LURAP1L: variants seen among roughly 807,000 people sequenced by gnomAD.
LURAP1L encodes leucine rich adaptor protein 1-like.
LURAP1L carries 12 observed loss-of-function variants against 13.8 expected under a neutral mutation model. The observed-to-expected ratio is 0.87, with a 90% confidence interval of 0.56 to 1.41. The LOEUF (loss-of-function observed/expected upper bound fraction) is 1.41. Ranked by LOEUF, LURAP1L falls within the 40% of genes most tolerant of loss-of-function variation. The pLI is 0.00. For synonymous variants in LURAP1L, 139 were observed against 119.2 expected, an observed-to-expected ratio of 1.17 and a Z score of -1.08; for missense variants, 375 against 292.9, an observed-to-expected ratio of 1.28 and a Z score of -2.04.
chr9:12,785,249 A>G (rs1819333490), intron 1 of LURAP1L, among the ~76,000 whole-genome samples: 1 of 152,008 alleles, frequency 6.6e-6, no homozygotes, highest in Admixed American at 6.5e-5. Context: ...TACAAGGCAA[A>G]AGTCCTCTTT....
Position 12,821,532 on chromosome 9 carries a change from GGA to G in LURAP1L, c.463_464del (p.Gln156GlufsTer16). The G allele has an allele frequency of 6.2e-7, 1 of 1,614,162 alleles. No individual in the cohort carries two copies. The highest frequency in any genetic ancestry group is 8.5e-7 in the Non-Finnish European group (1 of 1,180,040). ...TCAGTGGCAGCCTGTGCAGTTTGTT[GGA>G]GAGTCAGAGCACCTCCTTACGTGGC... ...SLSGSLCSLL[E>X]SQSTSLRGSY... On this transcript the variant is annotated frameshift_variant, in exon 2 of 2. Transcript: ENST00000319264. LOFTEE classifies it high-confidence loss of function.
intron 1 of LURAP1L, among the ~76,000 whole-genome samples, chr9:12,819,048 T>C (rs1216132430): frequency 6.6e-6 from 1 of 152,170 alleles, no homozygotes; most frequent in African/African-American, 2.4e-5. Flanking sequence ...GCGGAGGAAT[T>C]TAAACATAAA....
At chr9:12,808,239 T>C (rs985214808) in intron 1 of LURAP1L, among the ~76,000 whole-genome samples, 2 of 152,158 alleles carry the variant, frequency 1.3e-5, no homozygotes, top group Non-Finnish European at 2.9e-5. Context: ...TTTTAAAATA[T>C]TACTTGCAAG....
chr9:12,797,416 C>G (rs922715674), intron 1 of LURAP1L, among the ~76,000 whole-genome samples: 1 of 152,054 alleles, frequency 6.6e-6, no homozygotes, highest in African/African-American at 2.4e-5. Flanking sequence ...CAAGTTTTAG[C>G]TGTCTAAAAA....
intron 1 of LURAP1L, among the ~76,000 whole-genome samples, chr9:12,808,596 T>C (rs112885510): frequency 8.5e-5 from 13 of 152,302 alleles, no homozygotes; most frequent in African/African-American, 3.1e-4. Flanking sequence ...ATAAGTTTGG[T>C]GTAAATCTTA....
chr9:12,788,357 T>A (rs1819392258), intron 1 of LURAP1L, among the ~76,000 whole-genome samples: 2 of 138,080 alleles, frequency 1.4e-5, no homozygotes, highest in Admixed American at 1.5e-4. Context: ...CTGCTAGAAG[T>A]ATACATTCAA....
chr9:12,783,734 T>C (rs1045704546), intron 1 of LURAP1L, among the ~76,000 whole-genome samples: 2 of 152,106 alleles, frequency 1.3e-5, no homozygotes, highest in Non-Finnish European at 2.9e-5. Flanking sequence ...AGTTTAGAAG[T>C]ATTCTCTCCT....
intron 1 of LURAP1L, among the ~76,000 whole-genome samples, chr9:12,782,768 A>T (rs1819290525): frequency 6.6e-6 from 1 of 152,132 alleles, no homozygotes; most frequent in Non-Finnish European, 1.5e-5. Flanking sequence ...TGTTACTGGT[A>T]TTTTGATAAG....
At position 12,821,468 on chromosome 9, in the gene LURAP1L, T is replaced by C; in HGVS notation, c.395T>C (p.Ile132Thr). ...NESIESIKWM[I>T]EEKATITSRG... ...AGCATCGAGTCCATCAAGTGGATGA[T>C]CGAAGAAAAAGCCACCATTACCAGC... Residue 132 changes from isoleucine (I) to threonine (T), a missense_variant, in exon 2 of 2, where the codon ATC (isoleucine) becomes ACC (threonine). By Grantham distance (89) the Ile-to-Thr change is moderately conservative. Transcript: ENST00000319264. 6.2e-7 allele frequency: 1 copy of C among 1,614,108 alleles called. No individual in the cohort carries two copies. Among genetic ancestry groups the C allele is most frequent in the Admixed American group, 1.7e-5 (1 of 60,014 alleles).
intron 1 of LURAP1L, chr9:12,814,489 T>C (rs1383455317): frequency 6.6e-6 from 1 of 152,178 alleles, no homozygotes; most frequent in Non-Finnish European, 1.5e-5. Context: ...TTTCACTGTA[T>C]TAGATTATGG....
intron 1 of LURAP1L, among the ~76,000 whole-genome samples, chr9:12,795,510 G>A (rs1360676101): frequency 2.6e-5 from 4 of 152,146 alleles, no homozygotes; most frequent in Non-Finnish European, 5.9e-5. Flanking sequence ...GTGGTAATAA[G>A]GTAGTGATAA....
chr9:12,803,683 G>A (rs1330346410), intron 1 of LURAP1L, among the ~76,000 whole-genome samples: 1 of 152,080 alleles, frequency 6.6e-6, no homozygotes, highest in East Asian at 1.9e-4. Context: ...AATTAGAAAA[G>A]GAAATTGATA....
intron 1 of LURAP1L, among the ~76,000 whole-genome samples, chr9:12,810,502 C>A (rs1006000581): frequency 6.6e-6 from 1 of 152,112 alleles, no homozygotes; most frequent in African/African-American, 2.4e-5. Flanking sequence ...GTGATGACTT[C>A]TTAGCCCTTC....
chr9:12,818,931 T>C (rs546193796), intron 1 of LURAP1L, among the ~76,000 whole-genome samples: 2 of 152,206 alleles, frequency 1.3e-5, no homozygotes, highest in East Asian at 3.9e-4. Context: ...TTGACTCATA[T>C]TGATTTTTCT....
At chr9:12,811,194 T>C (rs980844057) in intron 1 of LURAP1L, among the ~76,000 whole-genome samples, 17 of 152,134 alleles carry the variant, frequency 1.1e-4, no homozygotes, top group East Asian at 3.9e-4. Flanking sequence ...AAAAGCAAGA[T>C]TGCAACTTAA....
At chr9:12,811,458 C>A (rs1483984063) in intron 1 of LURAP1L, among the ~76,000 whole-genome samples, 1 of 152,190 alleles carries the variant, frequency 6.6e-6, no homozygotes, top group Admixed American at 6.5e-5. Context: ...AAATCAATTT[C>A]TCTTAGGGGA....
rs1158378553 is a variant in LURAP1L at position 12,821,807 on chromosome 9, C to G, written c.*47C>G. Reference sequence around the variant, plus strand: ...TGGTGTGCAATGAACTTGTATTTATCCTTCTTCTCCGCTGCTATATTTTTG... The same window carrying G: ...TGGTGTGCAATGAACTTGTATTTATGCTTCTTCTCCGCTGCTATATTTTTG... On this transcript the variant is annotated 3_prime_UTR_variant, in exon 2 of 2. Transcript: ENST00000319264. The G allele has an allele frequency of 1.3e-6, 2 of 1,549,550 alleles. No homozygotes were observed. The highest frequency in any genetic ancestry group is 8.7e-7 in the Non-Finnish European group (1 of 1,147,762).
At chr9:12,818,858 G>A (rs1216222110) in intron 1 of LURAP1L, among the ~76,000 whole-genome samples, 1 of 152,160 alleles carries the variant, frequency 6.6e-6, no homozygotes, top group Non-Finnish European at 1.5e-5. Context: ...ATTCTGCCAT[G>A]GCTTATAAGG....
At position 12,775,629 on chromosome 9, in the gene LURAP1L, G is replaced by C; in HGVS notation, c.-87G>C. On this transcript the variant is annotated 5_prime_UTR_variant, in exon 1 of 2. Coordinates refer to ENST00000319264, the MANE Select transcript of LURAP1L (RefSeq NM_203403.2). ...GATAGAGACCCTGGCCCCCGGAGAG[G>C]TCTGCTGATTTCGCAGCAGCCTTCG... The C allele has an allele frequency of 6.7e-7, 1 of 1,496,072 alleles. No individual in the cohort carries two copies. The highest frequency in any genetic ancestry group is 8.9e-7 in the Non-Finnish European group (1 of 1,126,306). The allele number at this position is 1,496,072 out of a possible 1,614,324, so 92.7% of individuals were successfully genotyped here. A position where few individuals can be genotyped will look rare whatever the true frequency, so the allele number is the denominator to read the frequency against.
Sources: gnomAD v4.1 joint callset for allele counts (sites outside exome capture counted in the v4.1 genomes callset) on GRCh38, gnomAD v4.1.1 for gene constraint, MANE v1.5 for transcripts, NCBI Gene and HGNC (gene_info 2026-07-23, HGNC 2026-07-21) for gene names.